Variants in FAF1 observed in about 807,000 individuals in gnomAD.
FAF1 encodes the protein Fas associated factor 1.
Under a neutral mutation model 92.5 loss-of-function variants are expected in FAF1, and 25 were observed. That is an observed-to-expected ratio of 0.27 (90% CI 0.20 to 0.38). The LOEUF (loss-of-function observed/expected upper bound fraction) is 0.38, where lower values mean the gene tolerates loss of function less well. Ranked by LOEUF, FAF1 falls within the 10% of genes least tolerant of loss-of-function variation. The pLI is 1.00. For missense variants in FAF1, 636 were observed against 793.3 expected (o/e 0.80, Z 2.38); for synonymous variants, 234 against 273.2 (o/e 0.86, Z 1.42).
At chr1:50,928,180 GCTCT>G (rs71713286) in intron 1 of FAF1, among the ~76,000 whole-genome samples, 3,026 of 152,204 alleles carry the variant, frequency 0.02, 96 homozygotes, top group African/African-American at 0.07. Context: ...TTTACTGCAT[GCTCT>G]CTGTCTTTGG....
At chr1:50,687,170 C>A (rs1025714977) in intron 7 of FAF1, among the ~76,000 whole-genome samples, 1 of 152,064 alleles carries the variant, frequency 6.6e-6, no homozygotes, top group African/African-American at 2.4e-5. Context: ...TGGCATAATT[C>A]CCGATTCTCT....
At chr1:50,509,920 C>T (rs1167968516) in intron 15 of FAF1, among the ~76,000 whole-genome samples, 1 of 152,014 alleles carries the variant, frequency 6.6e-6, no homozygotes, top group Non-Finnish European at 1.5e-5. Context: ...GTAATCCCAG[C>T]ACTTTGGGAG....
intron 18 of FAF1, among the ~76,000 whole-genome samples, chr1:50,458,159 G>C (rs772784707): frequency 6.6e-6 from 1 of 152,188 alleles, no homozygotes; most frequent in East Asian, 1.9e-4. Flanking sequence ...GTTGCAGTGA[G>C]CTGAGATTGA....
chr1:50,440,156 C>A lies in FAF1; in HGVS notation c.*1284G>T, dbSNP rs971420735. 3.3e-5 allele frequency: 5 copies of A among 152,130 alleles called. No homozygotes were observed. The East Asian group carries it at 7.7e-4, about 23-fold the overall frequency. 9.4% of individuals were successfully genotyped at this position (152,130 alleles called of 1,614,324 possible). ...CAGGATCCCAACCCCTAGGATAAAA[C>A]CCACAGGTGACACAAAAACAGATAT... On this transcript the variant is annotated 3_prime_UTR_variant, in exon 19 of 19. Coordinates refer to ENST00000396153, the MANE Select transcript of FAF1 (RefSeq NM_007051.3).
chr1:50,631,318 G>A (rs1292625185), intron 8 of FAF1, among the ~76,000 whole-genome samples: 1 of 152,156 alleles, frequency 6.6e-6, no homozygotes, highest in Non-Finnish European at 1.5e-5. Context: ...TAAGTAGCAT[G>A]AGGAAATCTT....
intron 4 of FAF1, among the ~76,000 whole-genome samples, chr1:50,750,944 C>T (rs12565379): frequency 0.47 from 70,072 of 149,836 alleles, 18,467 homozygotes; most frequent in African/African-American, 0.7. Context: ...TGTTTATATG[C>T]GTACAAACAA....
At chr1:50,496,239 G>C (rs1572785162) in intron 15 of FAF1, among the ~76,000 whole-genome samples, 1 of 152,260 alleles carries the variant, frequency 6.6e-6, no homozygotes, top group East Asian at 1.9e-4. Flanking sequence ...GCCCAGGTTG[G>C]AATGAATACC....
chr1:50,704,933 A>G (rs188762051), intron 7 of FAF1, among the ~76,000 whole-genome samples: 1 of 152,344 alleles, frequency 6.6e-6, no homozygotes, highest in African/African-American at 2.4e-5. Context: ...TTCTTTCAAA[A>G]TGACATTAAG....
At chr1:50,483,581 G>A (rs1412519778) in intron 17 of FAF1, among the ~76,000 whole-genome samples, 1 of 152,158 alleles carries the variant, frequency 6.6e-6, no homozygotes, top group Non-Finnish European at 1.5e-5. Context: ...GCCACTGCAA[G>A]TTTTTGAAGT....
intron 6 of FAF1, among the ~76,000 whole-genome samples, chr1:50,726,709 G>GC (rs1658673884): frequency 6.6e-6 from 1 of 151,978 alleles, no homozygotes; most frequent in Non-Finnish European, 1.5e-5. Context: ...GGCACCTGTA[G>GC]TCCCAGCTAC....
intron 1 of FAF1, among the ~76,000 whole-genome samples, chr1:50,868,885 T>A (rs1436795310): frequency 6.6e-6 from 1 of 152,220 alleles, no homozygotes; most frequent in Non-Finnish European, 1.5e-5. Context: ...TGTGTGGAAT[T>A]GCCATTTAAC....
intron 1 of FAF1, among the ~76,000 whole-genome samples, chr1:50,918,915 G>T (rs1644941621): frequency 6.6e-6 from 1 of 151,348 alleles, no homozygotes; most frequent in Non-Finnish European, 1.5e-5. Context: ...TCTCATAGTG[G>T]TTTTGATTTG....
At position 50,437,140 on chromosome 1, in the gene FAF1, T is replaced by C. The variant is rs904916099; in HGVS notation, c.*4300A>G. On this transcript the variant is annotated 3_prime_UTR_variant, in exon 19 of 19. Transcript: ENST00000396153. ...AAGTGTCACCTTCCAAAGCAGATTA[T>C]TTGAGACAAGGACAAAATACTAAAT... is the stretch of plus-strand genomic sequence containing the variant. 1.3e-5 allele frequency: 2 copies of C among 152,202 alleles called. No homozygotes were observed. The highest frequency in any genetic ancestry group is 2.9e-5 in the Non-Finnish European group (2 of 68,032). The allele number at this position is 152,202 out of a possible 1,614,324, so 9.4% of individuals were successfully genotyped here.
At chr1:50,691,823 TTTTC>T (rs1656940908) in intron 7 of FAF1, among the ~76,000 whole-genome samples, 1 of 152,204 alleles carries the variant, frequency 6.6e-6, no homozygotes, top group Non-Finnish European at 1.5e-5. Flanking sequence ...GCCTGGCCAT[TTTTC>T]TTTGTTTTAA....
At chr1:50,638,827 GC>G (rs1247698870) in intron 8 of FAF1, among the ~76,000 whole-genome samples, 1 of 151,788 alleles carries the variant, frequency 6.6e-6, no homozygotes, top group Middle Eastern at 3.2e-3. Context: ...GTTTGCTTTT[GC>G]TTTGAAAAAA....
At chr1:50,956,934 G>GT (rs1385659110) in intron 1 of FAF1, among the ~76,000 whole-genome samples, 11 of 152,176 alleles carry the variant, frequency 7.2e-5, no homozygotes, top group Admixed American at 7.2e-4. Flanking sequence ...GGCAACAAGA[G>GT]TGAAACTCCA....
intron 2 of FAF1, among the ~76,000 whole-genome samples, chr1:50,813,872 T>C: frequency 6.6e-6 from 1 of 151,870 alleles, no homozygotes; most frequent in Non-Finnish European, 1.5e-5. Flanking sequence ...AATGAAAACA[T>C]ATGCTCCAAA....
chr1:50,662,645 CAACT>C (rs1655427215), intron 7 of FAF1, among the ~76,000 whole-genome samples: 1 of 135,670 alleles, frequency 7.4e-6, no homozygotes, highest in South Asian at 2.7e-4. Flanking sequence ...TTTAAAGTAA[CAACT>C]AATAATCACA....
intron 13 of FAF1, among the ~76,000 whole-genome samples, chr1:50,545,514 C>G (rs558764608): frequency 6.6e-6 from 1 of 152,108 alleles, no homozygotes; most frequent in East Asian, 1.9e-4. Context: ...AGTGATCCAC[C>G]TGCCTTGGCC....
Sources: gnomAD v4.1 joint callset for allele counts (sites outside exome capture counted in the v4.1 genomes callset) on GRCh38, gnomAD v4.1.1 for gene constraint, MANE v1.5 for transcripts, NCBI Gene and HGNC (gene_info 2026-07-23, HGNC 2026-07-21) for gene names.